The following GRM8 variants were observed in gnomAD, a reference collection of about 807,000 sequenced individuals.
The protein encoded by GRM8 is glutamate metabotropic receptor 8.
A neutral mutation model predicts 87.2 loss-of-function variants in GRM8; 47 were observed. That is an observed-to-expected ratio of 0.54 (90% CI 0.43 to 0.69). The LOEUF (loss-of-function observed/expected upper bound fraction) is 0.69, where lower values mean the gene tolerates loss of function less well. GRM8 is among the 30% of genes least tolerant of loss of function. The probability of loss-of-function intolerance (pLI) is 0.00; values close to 1 mark genes in which losing one functional copy is unlikely to be tolerated. For synonymous variants in GRM8, 396 were observed against 404.5 expected, an observed-to-expected ratio of 0.98 and a Z score of 0.25; for missense variants, 1,019 against 1,139.2, an observed-to-expected ratio of 0.89 and a Z score of 1.52.
chr7:126,968,415 G>A (rs932688374), intron 3 of GRM8, among the ~76,000 whole-genome samples: 1 of 152,136 alleles, frequency 6.6e-6, no homozygotes, highest in Non-Finnish European at 1.5e-5. Context: ...GACTGCTGCT[G>A]TAAGGCCAAG....
At chr7:126,705,781 T>G (rs1418237213) in intron 7 of GRM8, among the ~76,000 whole-genome samples, 1 of 152,168 alleles carries the variant, frequency 6.6e-6, no homozygotes, top group Non-Finnish European at 1.5e-5. Context: ...ACATCTAATC[T>G]TTAAGTTGAA....
intron 6 of GRM8, among the ~76,000 whole-genome samples, chr7:126,847,644 T>A (rs1796827597): frequency 6.6e-6 from 1 of 152,122 alleles, no homozygotes; most frequent in Admixed American, 6.5e-5. Flanking sequence ...ATAGCTGAGC[T>A]TTTTGCATTT....
At position 127,064,397 on chromosome 7, in the gene GRM8, T is replaced by G. The variant is rs1037969644; in HGVS notation, c.727+42099A>C. On this transcript the variant is annotated intron_variant, in intron 3 of 10. Transcript: ENST00000339582. ...TGCCCTTCTTTGCCTTTTTTTATTC[T>G]TCGTTGGTTTGAAATCTGTTTTGTT... Among the ~76,000 whole-genome samples, 3 of 152,220 alleles carry G rather than the reference T, an allele frequency of 2.0e-5. No homozygotes were observed. The East Asian group carries it at 5.8e-4, about 29-fold the overall frequency.
In GRM8 at chr7:127,218,278, G is replaced by C. The variant is rs144189948; in HGVS notation, c.510+24417C>G. Among the ~76,000 whole-genome samples, 4 of 152,298 alleles carry C rather than the reference G, an allele frequency of 2.6e-5. No individual in the cohort carries two copies. The East Asian group carries it at 5.8e-4, about 22-fold the overall frequency. On this transcript the variant is annotated intron_variant, in intron 2 of 10. Coordinates refer to ENST00000339582, the MANE Select transcript of GRM8 (RefSeq NM_000845.3). ...CCAACAGTGTTGAATCACTTGCCCA[G>C]GTTCACATAGCAACCAGCTGGGGAA...
At chr7:127,065,649 G>C (rs553247609) in intron 3 of GRM8, among the ~76,000 whole-genome samples, 1 of 152,310 alleles carries the variant, frequency 6.6e-6, no homozygotes, top group South Asian at 2.1e-4. Context: ...GGCTGTGGTG[G>C]TGGAGATGGA....
chr7:126,884,140 G>A (rs1278333874), intron 6 of GRM8, among the ~76,000 whole-genome samples: 1 of 152,072 alleles, frequency 6.6e-6, no homozygotes, highest in Non-Finnish European at 1.5e-5. Context: ...ACACTATGGT[G>A]TAAATCATTT....
chr7:127,251,397 A>T (rs1592377), intron 1 of GRM8, among the ~76,000 whole-genome samples: 6 of 151,900 alleles, frequency 3.9e-5, no homozygotes, highest in African/African-American at 1.5e-4. Flanking sequence ...CTCAAGGGAT[A>T]TCCGAGCTTT....
intron 10 of GRM8, 58 bp downstream of exon 10, chr7:126,446,068 T>C (rs758492159): frequency 9.4e-6 from 15 of 1,599,884 alleles, no homozygotes; most frequent in Middle Eastern, 1.7e-4. Context: ...ATGTTCAACG[T>C]ACATCTATTA....
chr7:126,977,130 T>C (rs1270165183), intron 3 of GRM8, among the ~76,000 whole-genome samples: 1 of 152,212 alleles, frequency 6.6e-6, no homozygotes, highest in Non-Finnish European at 1.5e-5. Flanking sequence ...TCCTGAATTT[T>C]CATGACACTG....
At chr7:126,799,136 C>G (rs189613992) in intron 6 of GRM8, among the ~76,000 whole-genome samples, 10 of 152,164 alleles carry the variant, frequency 6.6e-5, no homozygotes, top group East Asian at 1.9e-4. Context: ...ATCTATGGAC[C>G]AGCAGCATCA....
intron 3 of GRM8, among the ~76,000 whole-genome samples, chr7:126,930,840 T>C (rs1034686509): frequency 6.6e-6 from 1 of 152,228 alleles, no homozygotes; most frequent in African/African-American, 2.4e-5. Flanking sequence ...TCATAATCCT[T>C]GCTCTTTGCT....
At chr7:126,859,718 A>G (rs946242473) in intron 6 of GRM8, among the ~76,000 whole-genome samples, 2 of 152,198 alleles carry the variant, frequency 1.3e-5, no homozygotes, top group Non-Finnish European at 1.5e-5. Context: ...GGGCCTCCAG[A>G]AACCTATCCA....
chr7:126,727,111 T>C (rs1813077922), intron 7 of GRM8, among the ~76,000 whole-genome samples: 1 of 151,744 alleles, frequency 6.6e-6, no homozygotes, highest in Non-Finnish European at 1.5e-5. Flanking sequence ...AACTATTATC[T>C]AAATATATTT....
intron 2 of GRM8, among the ~76,000 whole-genome samples, chr7:127,190,644 G>A (rs1025500008): frequency 2.1e-4 from 32 of 152,162 alleles, no homozygotes; most frequent in African/African-American, 7.7e-4. Flanking sequence ...GACCAGTGAT[G>A]CAGTCTACCC....
chr7:126,564,016 T>C (rs565794324), intron 8 of GRM8, among the ~76,000 whole-genome samples: 1 of 152,172 alleles, frequency 6.6e-6, no homozygotes, highest in Non-Finnish European at 1.5e-5. Context: ...GTGATGGTTA[T>C]GGTTATATTT....
chr7:126,641,858 T>A (rs117026370), intron 7 of GRM8, among the ~76,000 whole-genome samples: 1 of 152,074 alleles, frequency 6.6e-6, no homozygotes, highest in Non-Finnish European at 1.5e-5. Flanking sequence ...CCAAAGCACA[T>A]GTCTCTTGTG....
At chr7:126,584,563 T>C (rs934921968) in intron 8 of GRM8, among the ~76,000 whole-genome samples, 8 of 152,238 alleles carry the variant, frequency 5.3e-5, no homozygotes, top group Non-Finnish European at 1.0e-4. Flanking sequence ...ATCATTTAAT[T>C]TTCTTTTCAT....
intron 3 of GRM8, among the ~76,000 whole-genome samples, chr7:127,047,286 G>GA (rs1304017775): frequency 2.0e-5 from 3 of 151,970 alleles, no homozygotes; most frequent in Non-Finnish European, 4.4e-5. Context: ...ACCCCTTACA[G>GA]AAAAAAACTG....
intron 9 of GRM8, among the ~76,000 whole-genome samples, chr7:126,525,757 C>T (rs1020638936): frequency 2.0e-5 from 3 of 152,122 alleles, no homozygotes; most frequent in African/African-American, 7.2e-5. Flanking sequence ...CCCTCTCTTT[C>T]TCCTTTCCTT....
Sources: allele counts gnomAD v4.1 joint callset (sites outside exome capture counted in the v4.1 genomes callset), GRCh38; gene constraint gnomAD v4.1.1; transcripts MANE v1.5; gene names NCBI Gene and HGNC (gene_info 2026-07-23, HGNC 2026-07-21).